Variants in SYNPR observed in about 807,000 individuals in gnomAD.
SYNPR encodes the protein synaptoporin.
SYNPR carries 23 observed loss-of-function variants against 32.9 expected under a neutral mutation model. That is an observed-to-expected ratio of 0.70 (90% CI 0.50 to 0.99). The LOEUF is 0.99. Among genes scored for constraint, SYNPR ranks in the 50% least tolerant of loss-of-function variants. The pLI is 0.00. For synonymous variants in SYNPR, 146 were observed against 135.9 expected (o/e 1.07, Z -0.52); for missense variants, 318 against 349.3 (o/e 0.91, Z 0.71).
At position 63,602,380 on chromosome 3, in the gene SYNPR, T is replaced by C. The variant is rs897132050; in HGVS notation, c.409-6745T>C. Among the ~76,000 whole-genome samples the C allele has an allele frequency of 3.3e-5, 5 of 152,210 alleles. 1 individual carries two copies. The highest frequency in any genetic ancestry group is 7.3e-5 in the Non-Finnish European group (5 of 68,040). ...AGTTCCCATTTGTCAGTTTTTGTTTTTATCACAATTGCTTTTGGTGTTTTC... is the reference window on the plus strand; with the variant it reads ...AGTTCCCATTTGTCAGTTTTTGTTTCTATCACAATTGCTTTTGGTGTTTTC... On this transcript the variant is annotated intron_variant, in intron 4 of 5. Transcript: ENST00000478300.
intron 2 of SYNPR, among the ~76,000 whole-genome samples, chr3:63,309,081 A>C (rs1258462195): frequency 6.6e-6 from 1 of 151,834 alleles, no homozygotes; most frequent in Non-Finnish European, 1.5e-5. Flanking sequence ...TTCCTTTGCT[A>C]TGTTTTCAAA....
chr3:63,552,102 T>C (rs765757921), intron 3 of SYNPR, among the ~76,000 whole-genome samples: 9 of 152,016 alleles, frequency 5.9e-5, no homozygotes, highest in Non-Finnish European at 1.2e-4. Context: ...TTCACCATGT[T>C]GGTCAGGCTG....
intron 3 of SYNPR, among the ~76,000 whole-genome samples, chr3:63,508,775 G>C (rs1355107130): frequency 6.6e-6 from 1 of 152,090 alleles, no homozygotes; most frequent in Admixed American, 6.6e-5. Flanking sequence ...AAGGATGGCA[G>C]CTACCAGTTG....
intron 1 of SYNPR, among the ~76,000 whole-genome samples, chr3:63,240,804 A>G (rs1250463817): frequency 6.6e-6 from 1 of 152,100 alleles, no homozygotes; most frequent in Admixed American, 6.6e-5. Context: ...AGCCTGTCCT[A>G]GCTGGGACTC....
intron 2 of SYNPR, among the ~76,000 whole-genome samples, chr3:63,355,663 C>T (rs187124962): frequency 6.6e-6 from 1 of 152,220 alleles, no homozygotes; most frequent in East Asian, 1.9e-4. Context: ...ATCCTCCATG[C>T]CCTCCCATTC....
At chr3:63,593,366 A>G (rs1699876773) in intron 4 of SYNPR, among the ~76,000 whole-genome samples, 1 of 152,158 alleles carries the variant, frequency 6.6e-6, no homozygotes, top group South Asian at 2.1e-4. Flanking sequence ...AGTATTGCAG[A>G]AAGCTATTGA....
At chr3:63,591,741 G>C (rs866641958) in intron 4 of SYNPR, among the ~76,000 whole-genome samples, 10,500 of 132,088 alleles carry the variant, frequency 0.079, 493 homozygotes, top group Non-Finnish European at 0.12. Context: ...TCACTCATAG[G>C]TGGGAATTGA....
chr3:63,525,770 T>C (rs188626809), intron 3 of SYNPR, among the ~76,000 whole-genome samples: 2 of 152,328 alleles, frequency 1.3e-5, no homozygotes, highest in East Asian at 3.9e-4. Context: ...TGGAAGGGTT[T>C]GGCCATGAAC....
At chr3:63,364,049 T>G (rs2087699723) in intron 2 of SYNPR, among the ~76,000 whole-genome samples, 2 of 152,324 alleles carry the variant, frequency 1.3e-5, no homozygotes, top group Middle Eastern at 6.8e-3. Flanking sequence ...CAAATAGTAT[T>G]GACTAACAAT....
At chr3:63,461,152 G>A (rs141255111) in intron 2 of SYNPR, among the ~76,000 whole-genome samples, 2 of 152,094 alleles carry the variant, frequency 1.3e-5, no homozygotes, top group East Asian at 3.9e-4. Context: ...GCCTTTAGAT[G>A]CTTTTTAAAC....
chr3:63,372,122 C>G (rs1172905788), intron 2 of SYNPR, among the ~76,000 whole-genome samples: 2 of 152,108 alleles, frequency 1.3e-5, no homozygotes, highest in Non-Finnish European at 2.9e-5. Flanking sequence ...CCAACAGCCC[C>G]TCTGCCACTG....
At chr3:63,512,156 G>A (rs1001216655) in intron 3 of SYNPR, among the ~76,000 whole-genome samples, 2 of 152,100 alleles carry the variant, frequency 1.3e-5, no homozygotes, top group Admixed American at 1.3e-4. Flanking sequence ...ATTCTGAAGT[G>A]AGGTATACTA....
At chr3:63,306,634 A>T (rs1471368063) in intron 2 of SYNPR, among the ~76,000 whole-genome samples, 1 of 152,076 alleles carries the variant, frequency 6.6e-6, no homozygotes, top group Non-Finnish European at 1.5e-5. Context: ...CAGAGAACTC[A>T]ATATGCTTAA....
At chr3:63,333,334 T>G (rs1475675176) in intron 2 of SYNPR, among the ~76,000 whole-genome samples, 1 of 138,048 alleles carries the variant, frequency 7.2e-6, no homozygotes, top group Non-Finnish European at 1.6e-5. Flanking sequence ...TAACTTTGAA[T>G]CTAAAAAAAA....
chr3:63,245,888 G>C (rs996168905), intron 1 of SYNPR, among the ~76,000 whole-genome samples: 1 of 151,838 alleles, frequency 6.6e-6, no homozygotes, highest in African/African-American at 2.4e-5. Context: ...CATTAAATTT[G>C]CTCCTGATTA....
At chr3:63,223,821 C>A (rs1461260211), upstream of SYNPR, among the ~76,000 whole-genome samples, 2 of 152,096 alleles carry the variant, frequency 1.3e-5, no homozygotes, top group Non-Finnish European at 2.9e-5. Context: ...TTTGTGTATA[C>A]AATGGTTTTC....
intron 2 of SYNPR, among the ~76,000 whole-genome samples, chr3:63,338,943 T>C (rs1420153712): frequency 6.6e-6 from 1 of 152,240 alleles, no homozygotes; most frequent in Non-Finnish European, 1.5e-5. Flanking sequence ...AATATTGGAC[T>C]GTCCTCTTCT....
intron 3 of SYNPR, among the ~76,000 whole-genome samples, chr3:63,481,899 T>C (rs1018378897): frequency 2.0e-5 from 3 of 152,022 alleles, no homozygotes; most frequent in Admixed American, 1.3e-4. Flanking sequence ...ATACATGAGA[T>C]CATAAGCTCG....
Position 63,606,417 on chromosome 3 carries a change from C to CTTTTTTTTTTTTTTTTTTT in SYNPR, c.409-2704_409-2686dup, listed in dbSNP as rs61299069. ...AATTAAGCAGGACCTCAAATCCTTT[C>CTTTTTTTTTTTTTTTTTTT]TTTTTTTTTTTTTTTTTTTTTTAGC... On this transcript the variant is annotated intron_variant, in intron 4 of 5. Coordinates refer to ENST00000478300, the MANE Select transcript of SYNPR (RefSeq NM_001130003.2). 8.0e-3 allele frequency among the ~76,000 whole-genome samples: 543 copies of CTTTTTTTTTTTTTTTTTTT among 68,252 alleles called. 134 individuals carry two copies. The highest frequency in any genetic ancestry group is 0.033 in the Middle Eastern group (2 of 60). The allele number at this position is 68,252 out of a possible 152,430, so 44.8% of individuals were successfully genotyped here. A position where few individuals can be genotyped will look rare whatever the true frequency, so the allele number is the denominator to read the frequency against.
Sources: allele counts gnomAD v4.1 joint callset (sites outside exome capture counted in the v4.1 genomes callset), GRCh38; gene constraint gnomAD v4.1.1; transcripts MANE v1.5; gene names NCBI Gene and HGNC (gene_info 2026-07-23, HGNC 2026-07-21).